NBEA: variants seen among roughly 807,000 people sequenced by gnomAD.
The protein encoded by NBEA is neurobeachin.
A neutral mutation model predicts 343.4 loss-of-function variants in NBEA; 44 were observed. That is an observed-to-expected ratio of 0.13 (90% CI 0.10 to 0.16). NBEA has a LOEUF of 0.16. Among genes scored for constraint, NBEA ranks in the 10% least tolerant of loss-of-function variants. The pLI is 1.00. For synonymous variants in NBEA, 1,175 were observed against 1,238.7 expected (o/e 0.95, Z 1.08); for missense variants, 2,555 against 3,631.3 (o/e 0.70, Z 7.62).
intron 29 of NBEA, 123 bp from the exon 30 acceptor site, chr13:35,183,853 C>G (rs2071488887): frequency 1.7e-6 from 1 of 580,012 alleles, no homozygotes; most frequent in Admixed American, 3.5e-5. Context: ...TTCAGAGATG[C>G]ATTCGTTATT....
chr13:35,421,298 C>T (rs758226636), intron 38 of NBEA, among the ~76,000 whole-genome samples: 1 of 151,582 alleles, frequency 6.6e-6, no homozygotes, highest in Non-Finnish European at 1.5e-5. Flanking sequence ...TTTTAGAATT[C>T]TGTTTTGATT....
chr13:35,528,198 G>T (rs2078076380), intron 41 of NBEA, among the ~76,000 whole-genome samples: 1 of 152,076 alleles, frequency 6.6e-6, no homozygotes, highest in Non-Finnish European at 1.5e-5. Context: ...ACATTTAATA[G>T]AAGGGCCAGG....
At chr13:35,058,542 T>G (rs1274623950) in intron 7 of NBEA, among the ~76,000 whole-genome samples, 175 bp from the exon 8 acceptor site, 1 of 152,106 alleles carries the variant, frequency 6.6e-6, no homozygotes. Context: ...ACTGATCATT[T>G]TTCCCAAAAA....
chr13:35,416,491 A>T (rs2152920568), intron 38 of NBEA, among the ~76,000 whole-genome samples: 1 of 152,298 alleles, frequency 6.6e-6, no homozygotes, highest in African/African-American at 2.4e-5. Context: ...CTATTGAGAT[A>T]ATCATGTGGT....
chr13:35,232,025 G>T (rs996142303), intron 33 of NBEA, among the ~76,000 whole-genome samples: 8 of 152,116 alleles, frequency 5.3e-5, no homozygotes, highest in African/African-American at 1.7e-4. Flanking sequence ...TGCCTACTTT[G>T]GCAAAGCATT....
At chr13:35,393,043 C>T (rs961362556) in intron 38 of NBEA, among the ~76,000 whole-genome samples, 1 of 152,114 alleles carries the variant, frequency 6.6e-6, no homozygotes. Context: ...GATCTACATT[C>T]TTTCTGAGAA....
chr13:35,459,018 C>CCA (rs1491182889), intron 40 of NBEA, among the ~76,000 whole-genome samples: 5 of 90,186 alleles, frequency 5.5e-5, no homozygotes, highest in South Asian at 3.9e-4. Context: ...CCCCCCCCCC[C>CCA]ACACACACAC....
intron 38 of NBEA, among the ~76,000 whole-genome samples, chr13:35,371,241 C>G (rs1245835326): frequency 6.6e-6 from 1 of 152,028 alleles, no homozygotes; most frequent in Non-Finnish European, 1.5e-5. Context: ...TTCAGTGACA[C>G]TAAAAATTCA....
At chr13:35,423,137 A>G (rs1380212055) in intron 38 of NBEA, among the ~76,000 whole-genome samples, 2 of 152,112 alleles carry the variant, frequency 1.3e-5, no homozygotes, top group Non-Finnish European at 2.9e-5. Flanking sequence ...TGCTGTGCAG[A>G]AGCTCTTTAG....
At chr13:35,455,105 G>A (rs73504708) in intron 40 of NBEA, among the ~76,000 whole-genome samples, 2,577 of 151,876 alleles carry the variant, frequency 0.017, 92 homozygotes, top group African/African-American at 0.058. Context: ...AGTAATTAGA[G>A]TTCTTAGATT....
intron 37 of NBEA, 109 bp from the exon 38 acceptor site, chr13:35,352,048 T>G: frequency 1.8e-6 from 1 of 541,492 alleles, no homozygotes; most frequent in Non-Finnish European, 2.8e-6. Flanking sequence ...TTACATTATT[T>G]GAGTTTTAAA....
At chr13:35,549,666 G>A (rs1414220743) in intron 41 of NBEA, among the ~76,000 whole-genome samples, 2 of 152,114 alleles carry the variant, frequency 1.3e-5, no homozygotes, top group African/African-American at 2.4e-5. Flanking sequence ...AGCAGGAAGG[G>A]CAAAGTGGTA....
chr13:34,952,457 G>A (rs771282462), intron 1 of NBEA, among the ~76,000 whole-genome samples: 10 of 152,126 alleles, frequency 6.6e-5, no homozygotes, highest in South Asian at 2.1e-4. Context: ...CATTTTCACT[G>A]GGTATAATGT....
intron 36 of NBEA, among the ~76,000 whole-genome samples, chr13:35,345,126 T>C (rs1033724678): frequency 6.6e-6 from 1 of 152,086 alleles, no homozygotes. Context: ...ATGTCATTCA[T>C]TTATCACATT....
intron 33 of NBEA, among the ~76,000 whole-genome samples, chr13:35,220,825 C>A (rs1290852833): frequency 6.6e-6 from 1 of 152,132 alleles, no homozygotes. Context: ...CCCATTTTAT[C>A]CTTCTGTTAG....
intron 38 of NBEA, among the ~76,000 whole-genome samples, chr13:35,400,575 A>C (rs1202938846): frequency 1.3e-5 from 2 of 152,098 alleles, no homozygotes; most frequent in Admixed American, 1.3e-4. Context: ...CTTAGAGCTC[A>C]TATTATCCAA....
intron 10 of NBEA, among the ~76,000 whole-genome samples, chr13:35,078,582 A>G (rs2064224784): frequency 6.6e-6 from 1 of 152,194 alleles, no homozygotes. Context: ...ATTTGGTTGT[A>G]AAATATATGT....
intron 36 of NBEA, among the ~76,000 whole-genome samples, chr13:35,326,207 A>G (rs985912232): frequency 1.3e-5 from 2 of 152,088 alleles, no homozygotes; most frequent in Non-Finnish European, 2.9e-5. Flanking sequence ...GTAGTTTGAT[A>G]GGAATAGTGT....
chr13:35,600,040 A>G (rs1343290), intron 47 of NBEA, among the ~76,000 whole-genome samples: 144,113 of 152,250 alleles, frequency 0.95, 68,710 homozygotes, highest in East Asian at 1. Flanking sequence ...TGGTCACCCC[A>G]TAACATAGGT....
Sources: gnomAD v4.1 joint callset for allele counts (sites outside exome capture counted in the v4.1 genomes callset) on GRCh38, gnomAD v4.1.1 for gene constraint, MANE v1.5 for transcripts, NCBI Gene and HGNC (gene_info 2026-07-23, HGNC 2026-07-21) for gene names.